Variants in TMEM132D observed in about 807,000 individuals in gnomAD.
The protein encoded by TMEM132D is mature OL transmembrane protein.
In TMEM132D, 21 loss-of-function variants were observed where a neutral mutation model predicts 62.3. That is an observed-to-expected ratio of 0.34 (90% CI 0.24 to 0.49). The LOEUF is 0.49. Ranked by LOEUF, TMEM132D falls within the 20% of genes least tolerant of loss-of-function variation. The probability of loss-of-function intolerance (pLI) is 0.99; values close to 1 mark genes in which losing one functional copy is unlikely to be tolerated. For synonymous variants in TMEM132D, 621 were observed against 575.6 expected, an observed-to-expected ratio of 1.08 and a Z score of -1.13; for missense variants, 1,346 against 1,402.8, an observed-to-expected ratio of 0.96 and a Z score of 0.65.
chr12:129,321,617 C>T (rs1170731924), intron 4 of TMEM132D, among the ~76,000 whole-genome samples: 7 of 151,712 alleles, frequency 4.6e-5, no homozygotes, highest in African/African-American at 1.2e-4. Context: ...AGTGCAGTGG[C>T]GCGATCTCAG....
intron 2 of TMEM132D, among the ~76,000 whole-genome samples, chr12:129,541,471 T>C (rs1401280170): frequency 1.3e-5 from 2 of 152,212 alleles, no homozygotes; most frequent in African/African-American, 4.8e-5. Flanking sequence ...AACTTTGATA[T>C]AGGCTGCACC....
At chr12:129,357,518 G>GAAGGAAGGA (rs1555250323) in intron 3 of TMEM132D, among the ~76,000 whole-genome samples, 1 of 149,358 alleles carries the variant, frequency 6.7e-6, no homozygotes, top group Admixed American at 6.7e-5. Context: ...GAGAAAGAAA[G>GAAGGAAGGA]AAGGAAGGAA....
intron 2 of TMEM132D, among the ~76,000 whole-genome samples, chr12:129,562,819 G>T (rs1877272006): frequency 6.6e-6 from 1 of 152,152 alleles, no homozygotes; most frequent in Admixed American, 6.5e-5. Context: ...TCCACCTGGA[G>T]AAACCCCGTG....
chr12:129,309,762 G>C (rs924479252), intron 4 of TMEM132D, among the ~76,000 whole-genome samples: 6 of 151,986 alleles, frequency 3.9e-5, no homozygotes, highest in Non-Finnish European at 8.8e-5. Flanking sequence ...AGCATGGTGC[G>C]TTTCAAACTC....
intron 5 of TMEM132D, among the ~76,000 whole-genome samples, chr12:129,201,693 A>G (rs1193026276): frequency 2.0e-5 from 3 of 152,300 alleles, no homozygotes; most frequent in Non-Finnish European, 2.9e-5. Flanking sequence ...TGCTCCCACA[A>G]GGACAGCTCT....
At chr12:129,114,221 G>A (rs898141973) in intron 5 of TMEM132D, among the ~76,000 whole-genome samples, 3 of 152,168 alleles carry the variant, frequency 2.0e-5, no homozygotes, top group African/African-American at 7.2e-5. Context: ...CGGACATATG[G>A]CAATGTCTGG....
chr12:129,380,148 T>C (rs914974285), intron 3 of TMEM132D, among the ~76,000 whole-genome samples: 1 of 152,186 alleles, frequency 6.6e-6, no homozygotes, highest in African/African-American at 2.4e-5. Context: ...TTAGATTCAA[T>C]AGAATATGGT....
chr12:129,415,712 G>A (rs561041899), intron 3 of TMEM132D, among the ~76,000 whole-genome samples: 6 of 152,288 alleles, frequency 3.9e-5, no homozygotes, highest in South Asian at 2.1e-4. Flanking sequence ...TGTCTATCTC[G>A]GTTTCCAGTC....
At chr12:129,135,520 A>G (rs1210352553) in intron 5 of TMEM132D, among the ~76,000 whole-genome samples, 1 of 152,218 alleles carries the variant, frequency 6.6e-6, no homozygotes, top group African/African-American at 2.4e-5. Flanking sequence ...GTGATGCATA[A>G]GTGCATAAGG....
chr12:129,395,410 G>A (rs1302497201), intron 3 of TMEM132D, among the ~76,000 whole-genome samples: 2 of 152,036 alleles, frequency 1.3e-5, no homozygotes, highest in Non-Finnish European at 2.9e-5. Flanking sequence ...TGGTCTTGAT[G>A]CCCAATCTGA....
intron 1 of TMEM132D, among the ~76,000 whole-genome samples, chr12:129,790,778 C>A (rs1871381929): frequency 6.6e-6 from 1 of 152,222 alleles, no homozygotes; most frequent in Non-Finnish European, 1.5e-5. Context: ...CCAGAATTTC[C>A]CTGCCTCCTG....
At chr12:129,585,209 C>A (rs155682) in intron 2 of TMEM132D, among the ~76,000 whole-genome samples, 148,219 of 152,296 alleles carry the variant, frequency 0.97, 72,249 homozygotes, top group Middle Eastern at 1. Context: ...AATGGTAGAA[C>A]AATTTAAAAC....
intron 3 of TMEM132D, among the ~76,000 whole-genome samples, chr12:129,368,923 TC>T (rs527996060): frequency 6.6e-6 from 1 of 152,194 alleles, no homozygotes; most frequent in Non-Finnish European, 1.5e-5. Flanking sequence ...CCTCTTATCC[TC>T]CCTGTTTCCT....
chr12:129,437,560 T>C (rs1176692393), intron 3 of TMEM132D, among the ~76,000 whole-genome samples: 2 of 152,126 alleles, frequency 1.3e-5, no homozygotes, highest in Non-Finnish European at 2.9e-5. Flanking sequence ...TGATGAAATG[T>C]TGGTAAGGAT....
chr12:129,584,523 C>T (rs1164757458), intron 2 of TMEM132D, among the ~76,000 whole-genome samples: 1 of 152,194 alleles, frequency 6.6e-6, no homozygotes, highest in African/African-American at 2.4e-5. Flanking sequence ...ATGTGACTTG[C>T]TTTGGCCTCT....
At chr12:129,445,883 A>C (rs1317537332) in intron 3 of TMEM132D, among the ~76,000 whole-genome samples, 1 of 152,222 alleles carries the variant, frequency 6.6e-6, no homozygotes, top group African/African-American at 2.4e-5. Context: ...TGAAGGAAGC[A>C]GAACAAGGTA....
intron 5 of TMEM132D, among the ~76,000 whole-genome samples, chr12:129,127,442 C>T (rs1457718534): frequency 6.6e-6 from 1 of 152,094 alleles, no homozygotes; most frequent in Non-Finnish European, 1.5e-5. Flanking sequence ...CCCTCGCTTC[C>T]GGCAGGTCCA....
At chr12:129,553,125 G>A (rs1013383545) in intron 2 of TMEM132D, among the ~76,000 whole-genome samples, 3 of 152,104 alleles carry the variant, frequency 2.0e-5, no homozygotes, top group African/African-American at 7.2e-5. Flanking sequence ...TTGAGACTCC[G>A]AGAGTGTTGC....
chr12:129,589,244 T>C (rs1292713175), intron 2 of TMEM132D, among the ~76,000 whole-genome samples: 8 of 152,144 alleles, frequency 5.3e-5, no homozygotes, highest in South Asian at 2.1e-4. Flanking sequence ...TGAGATCTGA[T>C]GGTTTTATGA....
Sources: allele counts gnomAD v4.1 joint callset (sites outside exome capture counted in the v4.1 genomes callset), GRCh38; gene constraint gnomAD v4.1.1; transcripts MANE v1.5; gene names NCBI Gene and HGNC (gene_info 2026-07-23, HGNC 2026-07-21).